RB1: variants seen among roughly 807,000 people sequenced by gnomAD.
The protein encoded by RB1 is retinoblastoma-associated protein.
A neutral mutation model predicts 135.4 loss-of-function variants in RB1; 18 were observed. That is an observed-to-expected ratio of 0.13 (90% CI 0.09 to 0.20). RB1 has a LOEUF of 0.20. Among genes scored for constraint, RB1 ranks in the 10% least tolerant of loss-of-function variants. The pLI is 1.00. For synonymous variants in RB1, 365 were observed against 373.2 expected (o/e 0.98, Z 0.25); for missense variants, 868 against 1,110.0 (o/e 0.78, Z 3.10).
At chr13:48,317,679 C>T (rs780245691) in intron 2 of RB1, 18 of 540,688 alleles carry the variant, frequency 3.3e-5, no homozygotes, top group East Asian at 1.3e-4. Flanking sequence ...TGCTCCTGGG[C>T]GGTGCCGGAT....
intron 17 of RB1, among the ~76,000 whole-genome samples, chr13:48,390,064 C>T (rs1247723265): frequency 6.6e-6 from 1 of 151,970 alleles, no homozygotes; most frequent in Admixed American, 6.6e-5. Context: ...GGAGAATTGC[C>T]TGAGCCTGGG....
intron 2 of RB1, among the ~76,000 whole-genome samples, chr13:48,334,696 T>C (rs990652564): frequency 1.3e-5 from 2 of 152,190 alleles, no homozygotes; most frequent in Non-Finnish European, 2.9e-5. Context: ...ACTTTTCTGA[T>C]AGTTCCAGGA....
At chr13:48,438,700 T>C (rs563565289) in intron 17 of RB1, among the ~76,000 whole-genome samples, 1 of 152,344 alleles carries the variant, frequency 6.6e-6, no homozygotes, top group African/African-American at 2.4e-5. Context: ...TCTTCACTTA[T>C]AAAATGGCAT....
At chr13:48,304,189 C>A (rs937509494) in intron 1 of RB1, 140 bp downstream of exon 1, 16 of 969,412 alleles carry the variant, frequency 1.7e-5, no homozygotes, top group Non-Finnish European at 1.8e-5. Context: ...CCCTGCCCCC[C>A]GCCACGGCGG....
chr13:48,350,567 G>T (rs1386892456), intron 6 of RB1, among the ~76,000 whole-genome samples: 1 of 152,064 alleles, frequency 6.6e-6, no homozygotes, highest in Non-Finnish European at 1.5e-5. Flanking sequence ...CCCAAAAGAG[G>T]AAAACATCTT....
chr13:48,347,089 A>G (rs368620303), intron 4 of RB1, among the ~76,000 whole-genome samples: 1 of 152,024 alleles, frequency 6.6e-6, no homozygotes, highest in Admixed American at 6.6e-5. Context: ...GTCTGAGATA[A>G]GGAATCTGCT....
intron 23 of RB1, among the ~76,000 whole-genome samples, chr13:48,471,640 C>A: frequency 6.7e-6 from 1 of 148,942 alleles, no homozygotes; most frequent in Non-Finnish European, 1.5e-5. Flanking sequence ...GCTTTCCTGA[C>A]TGTTAGGTAT....
chr13:48,456,741 A>AATG (rs1177082516), intron 19 of RB1, among the ~76,000 whole-genome samples: 1 of 152,238 alleles, frequency 6.6e-6, no homozygotes, highest in Non-Finnish European at 1.5e-5. Context: ...CACAGTCAGA[A>AATG]ATGCTGGCTG....
At chr13:48,332,674 T>C (rs1251532181) in intron 2 of RB1, among the ~76,000 whole-genome samples, 1 of 152,210 alleles carries the variant, frequency 6.6e-6, no homozygotes, top group African/African-American at 2.4e-5. Flanking sequence ...TTCTTGAAAT[T>C]CACTAAGAGA....
chr13:48,443,945 C>T (rs1949262864), intron 17 of RB1, among the ~76,000 whole-genome samples: 1 of 152,094 alleles, frequency 6.6e-6, no homozygotes, highest in Admixed American at 6.5e-5. Flanking sequence ...GCTCTCATAC[C>T]ACCACAACAG....
At chr13:48,479,125 G>A (rs1159310163) in intron 26 of RB1, among the ~76,000 whole-genome samples, 1 of 152,114 alleles carries the variant, frequency 6.6e-6, no homozygotes, top group East Asian at 1.9e-4. Flanking sequence ...CTACTGGAGA[G>A]GCTGAGGTGA....
chr13:48,406,273 C>T (rs762715252), intron 17 of RB1, among the ~76,000 whole-genome samples: 1 of 151,984 alleles, frequency 6.6e-6, no homozygotes, highest in Non-Finnish European at 1.5e-5. Flanking sequence ...TTCATTCCCA[C>T]CAGAAATGTA....
intron 17 of RB1, among the ~76,000 whole-genome samples, chr13:48,397,899 G>A (rs1429691073): frequency 6.6e-6 from 1 of 152,154 alleles, no homozygotes; most frequent in Non-Finnish European, 1.5e-5. Context: ...TTGTATGTTT[G>A]TATGGTGGGT....
chr13:48,308,220 T>G (rs1258186655), intron 2 of RB1, among the ~76,000 whole-genome samples: 4 of 151,440 alleles, frequency 2.6e-5, no homozygotes, highest in Admixed American at 1.3e-4. Flanking sequence ...CATGGTGGTG[T>G]GTGCCTATAG....
intron 17 of RB1, among the ~76,000 whole-genome samples, chr13:48,390,581 T>A (rs1948602668): frequency 6.6e-6 from 1 of 152,100 alleles, no homozygotes; most frequent in Admixed American, 6.6e-5. Context: ...AACTCCTGGC[T>A]CACTTAAAAA....
chr13:48,448,074 C>A (rs1186981887), intron 17 of RB1, among the ~76,000 whole-genome samples: 1 of 152,070 alleles, frequency 6.6e-6, no homozygotes, highest in Non-Finnish European at 1.5e-5. Flanking sequence ...GGTAGTAGGC[C>A]ACTCTTGAAT....
At chr13:48,326,847 G>A (rs1043047626) in intron 2 of RB1, among the ~76,000 whole-genome samples, 1 of 151,268 alleles carries the variant, frequency 6.6e-6, no homozygotes, top group Non-Finnish European at 1.5e-5. Context: ...TTAAAGATGT[G>A]TTTAACTGTC....
At chr13:48,475,778 T>G (rs193134974) in intron 24 of RB1, among the ~76,000 whole-genome samples, 25 of 152,182 alleles carry the variant, frequency 1.6e-4, no homozygotes, top group African/African-American at 5.8e-4. Flanking sequence ...TAGGGAGAGG[T>G]AAAAGTTTAT....
intron 17 of RB1, among the ~76,000 whole-genome samples, chr13:48,450,491 T>G (rs1174280338): frequency 6.6e-6 from 1 of 152,240 alleles, no homozygotes; most frequent in Non-Finnish European, 1.5e-5. Context: ...GTCTTATTTC[T>G]GAGTCCTCTA....
Sources: gnomAD v4.1 joint callset for allele counts (sites outside exome capture counted in the v4.1 genomes callset) on GRCh38, gnomAD v4.1.1 for gene constraint, MANE v1.5 for transcripts, NCBI Gene and HGNC (gene_info 2026-07-23, HGNC 2026-07-21) for gene names.